Variants in BABAM2 observed in about 807,000 individuals in gnomAD.
BABAM2 encodes the protein BRISC and BRCA1 A complex member 2.
Under a neutral mutation model 54.7 loss-of-function variants are expected in BABAM2, and 31 were observed. The ratio of observed to expected loss-of-function variants is 0.57; its 90% confidence interval spans 0.43 to 0.77. The LOEUF is 0.77. Among genes scored for constraint, BABAM2 ranks in the 30% least tolerant of loss-of-function variants. The pLI is 0.00. For missense variants in BABAM2, 364 were observed against 455.8 expected, an observed-to-expected ratio of 0.80 and a Z score of 1.83; for synonymous variants, 167 against 162.9, an observed-to-expected ratio of 1.03 and a Z score of -0.19.
chr2:28,129,009 GC>G (rs927037689), intron 6 of BABAM2, among the ~76,000 whole-genome samples: 2 of 152,094 alleles, frequency 1.3e-5, no homozygotes, highest in Admixed American at 6.6e-5. Context: ...TTCACTACCC[GC>G]CCCCTACCTC....
chr2:27,890,650 C>A (rs989070394), upstream of BABAM2: 2 of 249,028 alleles, frequency 8.0e-6, no homozygotes, highest in East Asian at 7.5e-5. The surrounding 1 kb of genome is among the most constrained non-coding windows in gnomAD (Gnocchi z 4.8). Flanking sequence ...CCTTTCCGAG[C>A]GCCCGGCTCG....
intron 7 of BABAM2, among the ~76,000 whole-genome samples, chr2:28,143,636 G>C (rs1172302844): frequency 1.3e-5 from 2 of 152,028 alleles, no homozygotes; most frequent in Non-Finnish European, 2.9e-5. Flanking sequence ...TTGAAAAAAT[G>C]AAAAAACCTA....
intron 2 of BABAM2, among the ~76,000 whole-genome samples, chr2:27,918,725 G>A (rs530890287): frequency 5.6e-4 from 85 of 151,728 alleles, no homozygotes; most frequent in African/African-American, 2.0e-3. Flanking sequence ...TTCTCACTCC[G>A]TGGCTCAGGC....
chr2:28,199,225 C>G (rs1677982935), intron 7 of BABAM2, among the ~76,000 whole-genome samples: 1 of 152,222 alleles, frequency 6.6e-6, no homozygotes, highest in South Asian at 2.1e-4. Context: ...GCGTGTGTGA[C>G]ATTGCATGCT....
intron 2 of BABAM2, among the ~76,000 whole-genome samples, chr2:27,900,204 C>G (rs548159481): frequency 6.6e-6 from 1 of 152,002 alleles, no homozygotes. Flanking sequence ...CTATAGGACA[C>G]AGTATAAATA....
chr2:28,045,933 A>C (rs1573466624), intron 6 of BABAM2, 134 bp downstream of exon 6: 2 of 702,314 alleles, frequency 2.8e-6, no homozygotes, highest in East Asian at 5.9e-5. Flanking sequence ...TCTTACATGA[A>C]GTTCCATTGA....
At chr2:28,192,395 C>T (rs61586483) in intron 7 of BABAM2, among the ~76,000 whole-genome samples, 12,815 of 150,950 alleles carry the variant, frequency 0.085, 672 homozygotes, top group African/African-American at 0.13. Context: ...TTTATACATA[C>T]GTAAAAAACC....
chr2:28,179,605 A>T (rs993619752), intron 7 of BABAM2, among the ~76,000 whole-genome samples: 1 of 152,242 alleles, frequency 6.6e-6, no homozygotes, highest in Non-Finnish European at 1.5e-5. Flanking sequence ...CCTGGTCAAC[A>T]TGGTACTGGA....
chr2:27,999,388 C>T lies in BABAM2; in HGVS notation c.300+11301C>T, dbSNP rs926626396. Among the ~76,000 whole-genome samples, 4 of 152,170 alleles carry T rather than the reference C, an allele frequency of 2.6e-5. No homozygotes were observed. The East Asian group carries it at 7.8e-4, about 30-fold the overall frequency. ...GCACTGTAGACAGGGGACAAAAGTA[C>T]AGAGAAGCATCATATACCAAGGATG... On this transcript the variant is annotated intron_variant, in intron 4 of 11. Transcript: ENST00000379624.
chr2:27,926,082 T>A (rs1472264425), intron 2 of BABAM2, among the ~76,000 whole-genome samples: 1 of 150,910 alleles, frequency 6.6e-6, no homozygotes, highest in African/African-American at 2.5e-5. Flanking sequence ...GTTCATTTTA[T>A]CTCTTGTGGT....
chr2:28,072,607 G>C (rs755793522), intron 6 of BABAM2, among the ~76,000 whole-genome samples: 73 of 151,992 alleles, frequency 4.8e-4, no homozygotes, highest in Non-Finnish European at 5.7e-4. Context: ...GGATGGTCTC[G>C]ATCTCCTGAC....
At chr2:28,221,664 T>A (rs944918789) in intron 7 of BABAM2, among the ~76,000 whole-genome samples, 2 of 152,226 alleles carry the variant, frequency 1.3e-5, no homozygotes, top group African/African-American at 4.8e-5. Flanking sequence ...CTATAATGTG[T>A]TCAGCTCCCC....
intron 6 of BABAM2, among the ~76,000 whole-genome samples, chr2:28,118,700 T>C (rs760234921): frequency 1.3e-5 from 2 of 152,226 alleles, no homozygotes; most frequent in Non-Finnish European, 2.9e-5. Context: ...TACTTTCTTT[T>C]GCTGTGTAGA....
intron 2 of BABAM2, among the ~76,000 whole-genome samples, chr2:27,917,152 G>C (rs1425117856): frequency 6.6e-6 from 1 of 151,914 alleles, no homozygotes; most frequent in East Asian, 1.9e-4. Flanking sequence ...CAAGTGGCTG[G>C]GGCTACAGGC....
chr2:28,204,294 T>G (rs1295046108), intron 7 of BABAM2, among the ~76,000 whole-genome samples: 3 of 152,220 alleles, frequency 2.0e-5, no homozygotes, highest in African/African-American at 7.2e-5. Context: ...AAAATGTAAT[T>G]TTGTATTTGC....
chr2:28,233,182 C>G (rs912603921), intron 7 of BABAM2: 2 of 471,396 alleles, frequency 4.2e-6, no homozygotes, highest in Non-Finnish European at 8.8e-6. Context: ...TCCTTCTCAC[C>G]CGCTTCCTCC....
intron 10 of BABAM2, among the ~76,000 whole-genome samples, chr2:28,260,659 G>T (rs780827876): frequency 5.9e-5 from 9 of 152,034 alleles, no homozygotes; most frequent in Non-Finnish European, 1.0e-4. Context: ...GCCTTTCCCT[G>T]TGCGTTCTAG....
chr2:27,904,062 G>A (rs1462521171), intron 2 of BABAM2, among the ~76,000 whole-genome samples: 3 of 152,204 alleles, frequency 2.0e-5, no homozygotes, highest in Non-Finnish European at 4.4e-5. Flanking sequence ...CAGCGACTAA[G>A]TGACTAACGG....
At chr2:28,042,391 A>T (rs188969947) in intron 5 of BABAM2, among the ~76,000 whole-genome samples, 11 of 152,336 alleles carry the variant, frequency 7.2e-5, no homozygotes, top group Admixed American at 5.2e-4. Flanking sequence ...GGCATACCCC[A>T]ATCTCCAATG....
Sources: gnomAD v4.1 joint callset for allele counts (sites outside exome capture counted in the v4.1 genomes callset) on GRCh38, gnomAD v4.1.1 for gene constraint, Gnocchi (gnomAD v3.1) non-coding constraint, MANE v1.5 for transcripts, NCBI Gene and HGNC (gene_info 2026-07-23, HGNC 2026-07-21) for gene names.